Variants in NR2F1-AS1 observed in about 807,000 individuals in gnomAD.
NR2F1-AS1 encodes the protein NR2F1 antisense RNA 1.
intron 4 of NR2F1-AS1, chr5:93,495,951 G>A (rs2149882902): frequency 6.6e-6 from 1 of 152,180 alleles, no homozygotes; most frequent in African/African-American, 2.4e-5. Context: ...TCTCAAAACT[G>A]TTATGGAAGA....
At chr5:93,573,168 C>G (rs931823606) in intron 1 of NR2F1-AS1, among the ~76,000 whole-genome samples, 1 of 152,236 alleles carries the variant, frequency 6.6e-6, no homozygotes, top group African/African-American at 2.4e-5. Flanking sequence ...AGCTCCCTGC[C>G]GAAGGCCCAG....
chr5:93,550,520 G>A (rs1752202473), intron 4 of NR2F1-AS1, among the ~76,000 whole-genome samples: 1 of 152,196 alleles, frequency 6.6e-6, no homozygotes, highest in Non-Finnish European at 1.5e-5. Context: ...TAAATAAGAA[G>A]AAGAGAAAAT....
chr5:93,575,836 C>T lies in NR2F1-AS1; in HGVS notation n.313+4631G>A, dbSNP rs979102577. ...GCTTGTTAGAGAATTCTAAGGTAGA[C>T]GTGTGTGCATACTTATGCATGAGGG... is the stretch of plus-strand genomic sequence containing the variant. On this transcript the variant is annotated intron_variant and non_coding_transcript_variant, in intron 1 of 5. Coordinates refer to ENST00000660523, the Ensembl canonical transcript of NR2F1-AS1. Among the ~76,000 whole-genome samples, 12 of 152,094 alleles carry T rather than the reference C, an allele frequency of 7.9e-5. No individual in the cohort carries two copies. The East Asian group carries it at 9.7e-4, about 12-fold the overall frequency.
intron 4 of NR2F1-AS1, among the ~76,000 whole-genome samples, chr5:93,552,834 A>G (rs1192365591): frequency 2.0e-5 from 3 of 152,184 alleles, no homozygotes; most frequent in African/African-American, 7.2e-5. Context: ...ACATATGTAT[A>G]TATACTTCAT....
At chr5:93,463,046 G>A (rs1354721295) in intron 4 of NR2F1-AS1, among the ~76,000 whole-genome samples, 6 of 152,186 alleles carry the variant, frequency 3.9e-5, no homozygotes, top group Non-Finnish European at 8.8e-5. Context: ...AATGTTAATT[G>A]CCAAGATAAT....
At chr5:93,569,088 C>A (rs1215233833) in intron 1 of NR2F1-AS1, among the ~76,000 whole-genome samples, 1 of 152,098 alleles carries the variant, frequency 6.6e-6, no homozygotes, top group Non-Finnish European at 1.5e-5. Flanking sequence ...CTAGTCTCTC[C>A]TCATAGGTTT....
chr5:93,523,607 A>G (rs948419926), intron 4 of NR2F1-AS1, among the ~76,000 whole-genome samples: 5 of 152,212 alleles, frequency 3.3e-5, no homozygotes, highest in African/African-American at 1.2e-4. Context: ...GAAGAGCTCC[A>G]GCTGGGATCT....
At chr5:93,537,555 T>A (rs1751865016) in intron 4 of NR2F1-AS1, among the ~76,000 whole-genome samples, 1 of 152,056 alleles carries the variant, frequency 6.6e-6, no homozygotes. Context: ...TATGAAAAAA[T>A]GCTCAATATC....
At chr5:93,449,007 A>C (rs1749774315) in intron 4 of NR2F1-AS1, among the ~76,000 whole-genome samples, 1 of 152,228 alleles carries the variant, frequency 6.6e-6, no homozygotes, top group South Asian at 2.1e-4. Context: ...TCAAGGATCA[A>C]GCATATACCA....
At chr5:93,466,332 T>C (rs1442873713) in intron 4 of NR2F1-AS1, among the ~76,000 whole-genome samples, 1 of 142,650 alleles carries the variant, frequency 7.0e-6, no homozygotes, top group Non-Finnish European at 1.5e-5. Context: ...CAAAGAATTC[T>C]TTTTTTTTTT....
chr5:93,512,267 G>C (rs1016971435), intron 4 of NR2F1-AS1, among the ~76,000 whole-genome samples: 54 of 152,190 alleles, frequency 3.5e-4, no homozygotes, highest in African/African-American at 1.2e-3. Context: ...TAATAAAAAA[G>C]TTTTAACAGT....
chr5:93,482,103 C>CA lies in NR2F1-AS1; in HGVS notation n.638+71657dup, dbSNP rs151257453. Among the ~76,000 whole-genome samples, 1,046 of 149,666 alleles carry CA rather than the reference C, an allele frequency of 7.0e-3. 5 individuals carry two copies. Among genetic ancestry groups the CA allele is most frequent in the African/African-American group, 0.021 (879 of 40,888 alleles). On this transcript the variant is annotated intron_variant and non_coding_transcript_variant, in intron 4 of 5. Coordinates refer to ENST00000660523, the Ensembl canonical transcript of NR2F1-AS1. ...AACTATAGAGAAAAATCAATAGGAA[C>CA]AAAAAAAAATGGTTTGTTGATAAAA...
intron 4 of NR2F1-AS1, among the ~76,000 whole-genome samples, chr5:93,427,006 T>A (rs1480875289): frequency 2.0e-5 from 3 of 152,182 alleles, no homozygotes; most frequent in Admixed American, 6.5e-5. Flanking sequence ...GAATCACCAT[T>A]TATAAGTATA....
chr5:93,497,029 C>T (rs1198026505), intron 4 of NR2F1-AS1, among the ~76,000 whole-genome samples: 1 of 152,102 alleles, frequency 6.6e-6, no homozygotes, highest in Non-Finnish European at 1.5e-5. Flanking sequence ...AAACACTGTC[C>T]AAATGAGTGG....
chr5:93,531,073 C>T (rs900347342), intron 4 of NR2F1-AS1, among the ~76,000 whole-genome samples: 1 of 152,050 alleles, frequency 6.6e-6, no homozygotes, highest in Non-Finnish European at 1.5e-5. Context: ...GGAAAAGGAA[C>T]TTGTCATTCT....
chr5:93,467,196 G>A (rs1474994156), intron 4 of NR2F1-AS1, among the ~76,000 whole-genome samples: 1 of 152,166 alleles, frequency 6.6e-6, no homozygotes, highest in Admixed American at 6.5e-5. Flanking sequence ...TCGTGAAAAT[G>A]TCCATATTGC....
chr5:93,510,617 A>C (rs1751275828), intron 4 of NR2F1-AS1, among the ~76,000 whole-genome samples: 2 of 152,136 alleles, frequency 1.3e-5, no homozygotes, highest in African/African-American at 2.4e-5. Flanking sequence ...TTTCTTTTAG[A>C]TATCCCAAGA....
chr5:93,501,373 A>G lies in NR2F1-AS1; in HGVS notation n.638+52388T>C, dbSNP rs1448575979. ...TTGGGGGAATTTTTTTTTTTTTTTG[A>G]GACAGGTTCTTGCTCTTTCACCCAG... On this transcript the variant is annotated intron_variant and non_coding_transcript_variant, in intron 4 of 5. Coordinates refer to ENST00000660523, the Ensembl canonical transcript of NR2F1-AS1. 8.4e-5 allele frequency among the ~76,000 whole-genome samples: 6 copies of G among 71,176 alleles called. No homozygotes were observed. In the East Asian group the frequency reaches 2.7e-3, roughly 32 times the overall value. 46.7% of individuals were successfully genotyped at this position (71,176 alleles called of 152,430 possible).
At chr5:93,537,275 T>C (rs1385901087) in intron 4 of NR2F1-AS1, among the ~76,000 whole-genome samples, 1 of 152,016 alleles carries the variant, frequency 6.6e-6, no homozygotes, top group Non-Finnish European at 1.5e-5. Context: ...CTTAAACATA[T>C]AGGCAACAAA....
Sources: allele counts gnomAD v4.1 joint callset (sites outside exome capture counted in the v4.1 genomes callset), GRCh38; gene constraint gnomAD v4.1.1; transcripts MANE v1.5; gene names NCBI Gene and HGNC (gene_info 2026-07-23, HGNC 2026-07-21).